STAMBP: variants seen among roughly 807,000 people sequenced by gnomAD.
STAMBP encodes the protein STAM binding protein, also known as STAM-binding protein.
STAMBP carries 31 observed loss-of-function variants against 50.7 expected under a neutral mutation model. The observed-to-expected ratio is 0.61, with a 90% CI of 0.46 to 0.83. STAMBP has a LOEUF of 0.83. STAMBP is among the 40% of genes least tolerant of loss of function. The pLI, the probability that STAMBP is intolerant of heterozygous loss-of-function variation, is 0.00. For synonymous variants in STAMBP, 211 were observed against 192.4 expected (o/e 1.10, Z -0.80); for missense variants, 472 against 518.9 (o/e 0.91, Z 0.88).
At chr2:73,854,510 G>A (rs1677298032) in intron 7 of STAMBP, among the ~76,000 whole-genome samples, 2 of 152,242 alleles carry the variant, frequency 1.3e-5, no homozygotes, top group South Asian at 4.1e-4. Context: ...CATTGTTTAT[G>A]TTGGAATACA....
rs201276822 is a variant in STAMBP at position 73,841,412 on chromosome 2, T to TAGAAA, written c.204-3400_204-3399insGAAAA. 8.7e-3 allele frequency among the ~76,000 whole-genome samples: 1,321 copies of TAGAAA among 152,330 alleles called. 19 individuals are homozygous for TAGAAA. The highest frequency in any genetic ancestry group is 0.029 in the African/African-American group (1,212 of 41,564). On this transcript the variant is annotated intron_variant, in intron 2 of 9. Transcript: ENST00000394070. ...ATAGAAACCCATAGCAAATATTGAC[T>TAGAAA]ATGTTCTAGATACCGTGTTTAGCAT...
downstream of STAMBP, among the ~76,000 whole-genome samples, chr2:73,870,520 A>G (rs1228974353): frequency 6.6e-6 from 1 of 152,200 alleles, no homozygotes; most frequent in Non-Finnish European, 1.5e-5. Context: ...AAGAACTCCC[A>G]CCGTGGCCCA....
chr2:73,844,936 A>G (rs377028950), intron 3 of STAMBP, 48 bp downstream of exon 3: 93 of 1,598,048 alleles, frequency 5.8e-5, no homozygotes, highest in Non-Finnish European at 7.2e-5. Context: ...TCAGAGCAGC[A>G]CAGACTGACT....
intron 2 of STAMBP, among the ~76,000 whole-genome samples, chr2:73,832,488 C>G (rs1186403884): frequency 6.6e-6 from 1 of 151,882 alleles, no homozygotes; most frequent in Non-Finnish European, 1.5e-5. Flanking sequence ...TCTCCCCACC[C>G]ACTCCTCTTT....
chr2:73,864,418 A>C lies in STAMBP; in HGVS notation c.*2159A>C, dbSNP rs1196315266. 2 of 152,184 alleles carry C rather than the reference A, an allele frequency of 1.3e-5. No individual in the cohort carries two copies. The highest frequency in any genetic ancestry group is 2.9e-5 in the Non-Finnish European group (2 of 68,038). 9.4% of individuals were successfully genotyped at this position (152,184 alleles called of 1,614,324 possible). On this transcript the variant is annotated 3_prime_UTR_variant, in exon 10 of 10. Transcript: ENST00000394070. ...TCCCTCTTCATATCTGCTGCAGCCT[A>C]GCCACTGCAGAGGCACTCTGCATAG... is the stretch of plus-strand genomic sequence containing the variant.
chr2:73,847,815 G>C, intron 5 of STAMBP, 62 bp downstream of exon 5: 1 of 1,546,820 alleles, frequency 6.5e-7, no homozygotes, highest in Non-Finnish European at 8.7e-7. Context: ...TCATTCTGAC[G>C]GGGTCAACCT....
rs947998424 is a variant in STAMBP at position 73,865,440 on chromosome 2, C to G, written c.*3181C>G. 2.6e-5 allele frequency: 4 copies of G among 152,184 alleles called. No individual in the cohort carries two copies. Among genetic ancestry groups the G allele is most frequent in the Non-Finnish European group, 5.9e-5 (4 of 68,056 alleles). The allele number at this position is 152,184 out of a possible 1,614,324, so 9.4% of individuals were successfully genotyped here. A position where few individuals can be genotyped will look rare whatever the true frequency, so the allele number is the denominator to read the frequency against. ...AACATGTGAGCCCAGAGTAGAACTT[C>G]TGAGTCAAGGATCATGTCTTTTTCT... is the stretch of plus-strand genomic sequence containing the variant. On this transcript the variant is annotated 3_prime_UTR_variant, in exon 10 of 10. Transcript: ENST00000394070.
chr2:73,863,474 A>G lies in STAMBP; in HGVS notation c.*1215A>G, dbSNP rs1444187556. ...GGAGGGAGAATCTGTGAATGCATAA[A>G]GTTTTCTTCATTTTTAAATTTTGTC... On this transcript the variant is annotated 3_prime_UTR_variant, in exon 10 of 10. Transcript: ENST00000394070. 1 of 152,024 alleles carries G rather than the reference A, an allele frequency of 6.6e-6. No individual in the cohort carries two copies. The highest frequency in any genetic ancestry group is 6.6e-5 in the Admixed American group (1 of 15,254). 9.4% of individuals were successfully genotyped at this position (152,024 alleles called of 1,614,324 possible). A position where few individuals can be genotyped will look rare whatever the true frequency, so the allele number is the denominator to read the frequency against.
rs906074369 is a variant in STAMBP, at chr2:73,828,975, C to G, written c.-548C>G. The G allele has an allele frequency of 1.2e-4, 18 of 152,318 alleles. No homozygotes were observed. Among genetic ancestry groups the G allele is most frequent in the African/African-American group, 4.1e-4 (17 of 41,452 alleles). The allele number at this position is 152,318 out of a possible 1,614,324, so 9.4% of individuals were successfully genotyped here. On this transcript the variant is annotated 5_prime_UTR_variant, in exon 1 of 10. Coordinates refer to ENST00000394070, the MANE Select transcript of STAMBP (RefSeq NM_213622.4). ...CCGGATGTGACGTTTCCGGAACCTC[C>G]GGGTGTCATCCGCGGGGAAAGGTGG... is the stretch of plus-strand genomic sequence containing the variant.
downstream of STAMBP, among the ~76,000 whole-genome samples, chr2:73,870,753 T>C (rs1467146316): frequency 1.1e-4 from 17 of 152,154 alleles, no homozygotes; most frequent in Admixed American, 1.1e-3. Context: ...AAAAAGTGAA[T>C]GGCATCATAT....
intron 2 of STAMBP, among the ~76,000 whole-genome samples, chr2:73,833,248 C>T (rs1248152193): frequency 6.6e-6 from 1 of 152,200 alleles, no homozygotes; most frequent in Non-Finnish European, 1.5e-5. Context: ...TAACCTAACT[C>T]TTATGTTAAG....
chr2:73,862,248 G>C lies in STAMBP; in HGVS notation c.1264G>C (p.Asp422His). 6.2e-7 allele frequency: 1 copy of C among 1,611,906 alleles called. No individual in the cohort carries two copies. Among genetic ancestry groups the C allele is most frequent in the Non-Finnish European group, 8.5e-7 (1 of 1,179,260 alleles). ...TGTGGACAGAGCAGTGACCATCACA[G>C]ACCTTCGATGAGCGTTTGAGTCCAA... ...TVVDRAVTIT[D>H]LR is the part of the protein sequence containing the mutation. Residue 422 changes from aspartate (D) to histidine (H), a missense_variant, in exon 10 of 10, where the codon GAC (aspartate) becomes CAC (histidine). Asp to His is a moderately conservative substitution (Grantham distance 81). Coordinates refer to ENST00000394070, the MANE Select transcript of STAMBP (RefSeq NM_213622.4).
intron 9 of STAMBP, 59 bp from the exon 10 acceptor site, chr2:73,862,139 GAAAAA>G: frequency 8.3e-7 from 1 of 1,209,260 alleles, no homozygotes. Context: ...CCTATATGAA[GAAAAA>G]AAAAAAAAAG....
intron 2 of STAMBP, among the ~76,000 whole-genome samples, chr2:73,837,698 C>A (rs1674901128): frequency 6.6e-6 from 1 of 150,726 alleles, no homozygotes. Context: ...TCTTGGTAAT[C>A]CTTTGTACTT....
intron 7 of STAMBP, among the ~76,000 whole-genome samples, chr2:73,851,936 G>A (rs1006832836): frequency 3.3e-5 from 5 of 152,150 alleles, no homozygotes; most frequent in South Asian, 2.1e-4. Flanking sequence ...CACCACGCCC[G>A]GCTAGATATG....
At chr2:73,871,277 C>T (rs1449669608), downstream of STAMBP, among the ~76,000 whole-genome samples, 1 of 151,946 alleles carries the variant, frequency 6.6e-6, no homozygotes, top group Non-Finnish European at 1.5e-5. Flanking sequence ...GGCGTGGTGG[C>T]TCATGCTTGT....
rs1573412662 is a variant in STAMBP, at chr2:73,862,369, G to C, written c.*110G>C. On this transcript the variant is annotated 3_prime_UTR_variant, in exon 10 of 10. Coordinates refer to ENST00000394070, the MANE Select transcript of STAMBP (RefSeq NM_213622.4). The stretch of plus-strand genomic sequence containing the variant: ...GGAAGTTTTTGTAGATAGTAGAAAG[G>C]GGGGCATCACCTGAGAAAGAGCTGA... The C allele has an allele frequency of 1.2e-6, 1 of 828,704 alleles. No individual in the cohort carries two copies. Among genetic ancestry groups the C allele is most frequent in the African/African-American group, 1.8e-5 (1 of 56,644 alleles). The allele number at this position is 828,704 out of a possible 1,614,324, so 51.3% of individuals were successfully genotyped here. A position where few individuals can be genotyped will look rare whatever the true frequency, so the allele number is the denominator to read the frequency against.
intron 2 of STAMBP, among the ~76,000 whole-genome samples, chr2:73,837,353 A>G (rs1217517209): frequency 6.6e-6 from 1 of 152,164 alleles, no homozygotes; most frequent in African/African-American, 2.4e-5. Context: ...TGGGAGGCCA[A>G]GGCTGGCGGA....
At chr2:73,839,177 T>G (rs903083238) in intron 2 of STAMBP, among the ~76,000 whole-genome samples, 4 of 152,214 alleles carry the variant, frequency 2.6e-5, no homozygotes, top group Non-Finnish European at 5.9e-5. Context: ...CTGGAGCAGT[T>G]CAGGCATCTT....
Sources: allele counts gnomAD v4.1 joint callset (sites outside exome capture counted in the v4.1 genomes callset), GRCh38; gene constraint gnomAD v4.1.1; transcripts MANE v1.5; gene names NCBI Gene and HGNC (gene_info 2026-07-23, HGNC 2026-07-21).